Variants in AFF2 observed in about 807,000 individuals in gnomAD.
The protein encoded by AFF2 is AF4/FMR2 family member 2.
Under a neutral mutation model 76.9 loss-of-function variants are expected in AFF2, and 14 were observed. The observed-to-expected ratio is 0.18, with a 90% CI of 0.12 to 0.28. AFF2 has a LOEUF of 0.28. AFF2 is among the 10% of genes least tolerant of loss of function. The pLI is 1.00. For missense variants in AFF2, 868 were observed against 1,001.1 expected (o/e 0.87, Z 1.79); for synonymous variants, 398 against 366.7 (o/e 1.09, Z -0.98).
intron 11 of AFF2, among the ~76,000 whole-genome samples, 194 bp downstream of exon 11, chrX:148,956,807 G>C (rs2072047302): frequency 8.8e-6 from 1 of 113,055 alleles, no homozygotes; most frequent in African/African-American, 3.2e-5. Flanking sequence ...TCTGTAGCCA[G>C]TGGCAAGAGT....
At chrX:148,586,779 G>A (rs2053474046) in intron 1 of AFF2, among the ~76,000 whole-genome samples, 1 of 111,325 alleles carries the variant, frequency 9.0e-6, no homozygotes, top group African/African-American at 3.3e-5. Context: ...TGATAGAGCA[G>A]GCCTTTAGAA....
chrX:148,583,499 A>G (rs2053435285), intron 1 of AFF2, among the ~76,000 whole-genome samples: 1 of 111,901 alleles, frequency 8.9e-6, no homozygotes, highest in African/African-American at 3.2e-5. Flanking sequence ...AGTATCATGC[A>G]TAGTAGTTTC....
chrX:148,548,909 A>G (rs1359310694), intron 1 of AFF2, among the ~76,000 whole-genome samples: 1 of 112,835 alleles, frequency 8.9e-6, no homozygotes, highest in African/African-American at 3.2e-5. Context: ...GGCTAGATAC[A>G]TCTTTAATCA....
intron 1 of AFF2, among the ~76,000 whole-genome samples, chrX:148,607,902 A>G (rs1485951833): frequency 1.8e-5 from 2 of 112,037 alleles, no homozygotes; most frequent in African/African-American, 6.5e-5. Context: ...TGGACTCCCA[A>G]TGTTGCCTAT....
At chrX:148,921,822 A>G (rs904314020) in intron 9 of AFF2, among the ~76,000 whole-genome samples, 5 of 112,516 alleles carry the variant, frequency 4.4e-5, no homozygotes, top group Non-Finnish European at 7.5e-5. Flanking sequence ...AGCTGGTGTT[A>G]AGTATGAATG....
rs184297965 is a variant in AFF2, at chrX:148,980,583, C to T, written c.3571-155C>T. The stretch of plus-strand genomic sequence containing the variant: ...CCAGCTATTTTCATCGAGTGTGCGT[C>T]GTGGTGTGCTGACGTGCACATACAT... On this transcript the variant is annotated intron_variant, in intron 18 of 20. Transcript: ENST00000370460. 4.5e-5 allele frequency among the ~76,000 whole-genome samples: 5 copies of T among 111,574 alleles called. No individual in the cohort carries two copies. The East Asian group carries it at 1.4e-3, about 32-fold the overall frequency.
chrX:148,802,706 C>T (rs5936230), intron 3 of AFF2, among the ~76,000 whole-genome samples: 64,956 of 109,948 alleles, frequency 0.59, 16,236 homozygotes, highest in East Asian at 0.93. Flanking sequence ...CAGGTTTTTT[C>T]GCTACTTTAT....
intron 3 of AFF2, among the ~76,000 whole-genome samples, chrX:148,704,688 G>A (rs978202158): frequency 1.1e-4 from 12 of 106,721 alleles, no homozygotes; most frequent in African/African-American, 3.1e-4. Flanking sequence ...CACCACACCC[G>A]GCTAATTTTT....
chrX:148,791,873 C>T (rs1338519768), intron 3 of AFF2, among the ~76,000 whole-genome samples: 1 of 111,325 alleles, frequency 9.0e-6, no homozygotes, highest in Non-Finnish European at 1.9e-5. Context: ...AAATTGGGCT[C>T]ATCGAACTGC....
chrX:148,915,436 T>G (rs984508846), intron 9 of AFF2, among the ~76,000 whole-genome samples: 13 of 112,298 alleles, frequency 1.2e-4, no homozygotes, highest in Admixed American at 3.8e-4. Context: ...CCAATTTGTT[T>G]ACTGTCTTCT....
chrX:148,604,364 C>G (rs781845679), intron 1 of AFF2, among the ~76,000 whole-genome samples: 5 of 112,606 alleles, frequency 4.4e-5, no homozygotes, highest in Non-Finnish European at 9.4e-5. Context: ...ACTAGATGGT[C>G]ACTTTCATCT....
chrX:148,577,173 G>A (rs782716523), intron 1 of AFF2, among the ~76,000 whole-genome samples: 1 of 112,006 alleles, frequency 8.9e-6, no homozygotes, highest in African/African-American at 3.2e-5. Context: ...AAAGCCTAGT[G>A]TTACTGCGAA....
At chrX:148,589,549 A>C (rs2053503095) in intron 1 of AFF2, among the ~76,000 whole-genome samples, 1 of 112,371 alleles carries the variant, frequency 8.9e-6, no homozygotes, top group South Asian at 3.7e-4. Context: ...ACTTCATTTC[A>C]TGTAGACCTC....
chrX:148,966,203 C>G (rs2072170044), intron 13 of AFF2, among the ~76,000 whole-genome samples: 1 of 111,817 alleles, frequency 8.9e-6, no homozygotes, highest in Admixed American at 9.5e-5. Flanking sequence ...AATCAAGCGC[C>G]TCACATGAAC....
chrX:148,503,681 CAAA>C lies in AFF2; in HGVS notation c.47+2540_47+2542del, dbSNP rs782475442. 2.1e-3 allele frequency among the ~76,000 whole-genome samples: 241 copies of C among 112,271 alleles called. No homozygotes were observed. The Middle Eastern group carries it at 0.023, about 11-fold the overall frequency. ...TTTGCAAACACTTGACTGTAGTAAA[CAAA>C]AAGTGTGTGCCCATTTATAAACACA... On this transcript the variant is annotated intron_variant, in intron 1 of 20. Transcript: ENST00000370460.
chrX:148,909,916 A>AT (rs1209903911), intron 9 of AFF2, among the ~76,000 whole-genome samples: 1 of 112,633 alleles, frequency 8.9e-6, no homozygotes, highest in African/African-American at 3.2e-5. Flanking sequence ...TATCACATAC[A>AT]TTTTTTTCAA....
At chrX:148,708,428 C>G (rs1373679782) in intron 3 of AFF2, among the ~76,000 whole-genome samples, 1 of 111,729 alleles carries the variant, frequency 9.0e-6, no homozygotes, top group Non-Finnish European at 1.9e-5. Context: ...ATCAGCTGAA[C>G]TCAGTTGGAG....
chrX:148,572,834 T>C (rs1273204042), intron 1 of AFF2, among the ~76,000 whole-genome samples: 5 of 111,308 alleles, frequency 4.5e-5, no homozygotes, highest in Admixed American at 1.9e-4. Flanking sequence ...TAGATAGTGG[T>C]GTTTGTTGCA....
intron 3 of AFF2, among the ~76,000 whole-genome samples, chrX:148,765,204 C>T (rs1226481244): frequency 9.0e-6 from 1 of 111,506 alleles, no homozygotes; most frequent in African/African-American, 3.3e-5. Context: ...CTTTTCTTTA[C>T]CTCTTGTTCT....
Sources: gnomAD v4.1 joint callset for allele counts (sites outside exome capture counted in the v4.1 genomes callset) on GRCh38, gnomAD v4.1.1 for gene constraint, MANE v1.5 for transcripts, NCBI Gene and HGNC (gene_info 2026-07-23, HGNC 2026-07-21) for gene names.